CHL1: variants seen among roughly 807,000 people sequenced by gnomAD.
CHL1 encodes cell adhesion molecule L1 like.
Under a neutral mutation model 141.9 loss-of-function variants are expected in CHL1, and 96 were observed. The ratio of observed to expected loss-of-function variants is 0.68; its 90% CI spans 0.57 to 0.80. CHL1 has a LOEUF of 0.80. Ranked by LOEUF, CHL1 falls within the 30% of genes least tolerant of loss-of-function variation. The probability of loss-of-function intolerance (pLI) is 0.00; values close to 1 mark genes in which losing one functional copy is unlikely to be tolerated. For missense variants in CHL1, 1,820 were observed against 1,457.2 expected (o/e 1.25, Z -4.05); for synonymous variants, 613 against 502.2 (o/e 1.22, Z -2.95).
chr3:350,660 C>G (rs1703167376), intron 10 of CHL1, among the ~76,000 whole-genome samples: 1 of 151,148 alleles, frequency 6.6e-6, no homozygotes, highest in Non-Finnish European at 1.5e-5. Flanking sequence ...AATGTTAACA[C>G]AGTTGATTTA....
Position 408,567 on chromosome 3 carries a change from A to C in CHL1, c.*2856A>C, listed in dbSNP as rs1250231541. The C allele has an allele frequency of 6.6e-6, 1 of 152,178 alleles. No individual in the cohort carries two copies. The highest frequency in any genetic ancestry group is 2.4e-5 in the African/African-American group (1 of 41,466). The allele number at this position is 152,178 out of a possible 1,614,324, so 9.4% of individuals were successfully genotyped here. A position where few individuals can be genotyped will look rare whatever the true frequency, so the allele number is the denominator to read the frequency against. Reference sequence around the variant, plus strand: ...AAAAGCTAAGATGCCTTCTAACTTCATAAGCAAACCTTTAACTAATTATGT... The same window carrying C: ...AAAAGCTAAGATGCCTTCTAACTTCCTAAGCAAACCTTTAACTAATTATGT... On this transcript the variant is annotated 3_prime_UTR_variant, in exon 28 of 28. Transcript: ENST00000256509.
At chr3:318,872 G>A (rs942743453) in intron 2 of CHL1, among the ~76,000 whole-genome samples, 1 of 151,128 alleles carries the variant, frequency 6.6e-6, no homozygotes, top group African/African-American at 2.4e-5. Flanking sequence ...CTAATATGAG[G>A]AACTGAGTAA....
chr3:349,607 GC>G, intron 10 of CHL1, 64 bp downstream of exon 10: 1 of 1,355,554 alleles, frequency 7.4e-7, no homozygotes, highest in Non-Finnish European at 1.0e-6. Flanking sequence ...CATGTAGTAG[GC>G]CTTGCTTCTA....
intron 15 of CHL1, among the ~76,000 whole-genome samples, chr3:375,199 G>T (rs1479462389): frequency 6.6e-6 from 1 of 152,162 alleles, no homozygotes; most frequent in East Asian, 1.9e-4. Context: ...CTATGGTTAT[G>T]AAAAATGAAA....
chr3:343,308 C>G (rs1702486994), intron 8 of CHL1, among the ~76,000 whole-genome samples: 1 of 152,034 alleles, frequency 6.6e-6, no homozygotes, highest in South Asian at 2.1e-4. Context: ...TATTTTGGGT[C>G]TCCCAAAACG....
At chr3:398,431 C>A (rs1264271030) in intron 25 of CHL1, 46 bp downstream of exon 25, 2 of 1,275,926 alleles carry the variant, frequency 1.6e-6, no homozygotes, top group South Asian at 2.6e-5. Context: ...CAATCTATGT[C>A]CTGTAGAATA....
chr3:385,412 A>G (rs1455207829), intron 19 of CHL1, among the ~76,000 whole-genome samples: 1 of 152,218 alleles, frequency 6.6e-6, no homozygotes, highest in Non-Finnish European at 1.5e-5. Flanking sequence ...TCATATGGAA[A>G]AAAGGCCAGA....
intron 2 of CHL1, among the ~76,000 whole-genome samples, chr3:251,984 A>T (rs559205410): frequency 6.6e-6 from 1 of 152,168 alleles, no homozygotes; most frequent in South Asian, 2.1e-4. Flanking sequence ...TGAGTTGGAA[A>T]TCGAAATCCA....
At chr3:278,308 C>T (rs1215979537) in intron 2 of CHL1, among the ~76,000 whole-genome samples, 1 of 152,182 alleles carries the variant, frequency 6.6e-6, no homozygotes, top group Non-Finnish European at 1.5e-5. Context: ...ATAGGAGATC[C>T]CACTGAAATC....
chr3:257,174 A>C, intron 2 of CHL1, among the ~76,000 whole-genome samples: 1 of 152,186 alleles, frequency 6.6e-6, no homozygotes, highest in East Asian at 1.9e-4. Flanking sequence ...GGGATATCAA[A>C]TGATCATACG....
intron 13 of CHL1, 51 bp from the exon 14 acceptor site, chr3:363,166 G>A (rs746104414): frequency 1.2e-5 from 18 of 1,509,176 alleles, no homozygotes; most frequent in South Asian, 4.9e-5. Flanking sequence ...ATTAAAAAGC[G>A]TATACAATTT....
chr3:273,137 G>A (rs1181481395), intron 2 of CHL1, among the ~76,000 whole-genome samples: 3 of 152,212 alleles, frequency 2.0e-5, no homozygotes, highest in Non-Finnish European at 4.4e-5. Context: ...GAGCTTGGTA[G>A]TATTTCACAA....
intron 12 of CHL1, among the ~76,000 whole-genome samples, chr3:361,071 T>A (rs542641195): frequency 6.6e-6 from 1 of 152,076 alleles, no homozygotes; most frequent in South Asian, 2.1e-4. Context: ...GGTGTCTTTA[T>A]AGCAGCATGA....
At position 244,802 on chromosome 3, in the gene CHL1, A is replaced by C. The variant is rs1466958293; in HGVS notation, c.-95+110A>C. The C allele has an allele frequency of 2.6e-5, 4 of 152,328 alleles. No homozygotes were observed. The East Asian group carries it at 7.7e-4, about 29-fold the overall frequency. 9.4% of individuals were successfully genotyped at this position (152,328 alleles called of 1,614,324 possible). A position where few individuals can be genotyped will look rare whatever the true frequency, so the allele number is the denominator to read the frequency against. On this transcript the variant is annotated intron_variant, in intron 2 of 27. Coordinates refer to ENST00000256509, the MANE Select transcript of CHL1 (RefSeq NM_006614.4). Reference sequence around the variant, plus strand: ...GATAAGGATAAGGAGACGTTGCAGAACTTTTGTCTTCACTACGGTCTTAGC... The same window carrying C: ...GATAAGGATAAGGAGACGTTGCAGACCTTTTGTCTTCACTACGGTCTTAGC...
intron 11 of CHL1, among the ~76,000 whole-genome samples, chr3:358,769 T>A (rs1375109940): frequency 6.6e-6 from 1 of 151,894 alleles, no homozygotes; most frequent in African/African-American, 2.4e-5. Context: ...TATTTCAATA[T>A]GTAGTATTCA....
At chr3:258,228 A>T (rs900330984) in intron 2 of CHL1, among the ~76,000 whole-genome samples, 6 of 152,228 alleles carry the variant, frequency 3.9e-5, no homozygotes, top group Non-Finnish European at 5.9e-5. Context: ...AAGAGAGAAT[A>T]TTGTGTCTTG....
At position 403,670 on chromosome 3, in the gene CHL1, C is replaced by T. The variant is rs184007732; in HGVS notation, c.3459-1825C>T. Among the ~76,000 whole-genome samples, 3 of 152,272 alleles carry T rather than the reference C, an allele frequency of 2.0e-5. No homozygotes were observed. In the East Asian group the frequency reaches 5.8e-4, roughly 29 times the overall value. On this transcript the variant is annotated intron_variant, in intron 27 of 27. Transcript: ENST00000256509. ...TTGTCTAAAAACCCATTTCCCCACA[C>T]CCTGCTGCTCCTTTATAAAGATAGC...
intron 11 of CHL1, 90 bp downstream of exon 11, chr3:354,861 A>G (rs1575146390): frequency 6.6e-7 from 1 of 1,505,382 alleles, no homozygotes; most frequent in Non-Finnish European, 9.0e-7. Context: ...TGAAGTTGGT[A>G]TGTGGTTGGA....
intron 1 of CHL1, among the ~76,000 whole-genome samples, chr3:239,917 C>A (rs1426485868): frequency 2.6e-5 from 4 of 152,092 alleles, no homozygotes; most frequent in African/African-American, 9.7e-5. Context: ...GCTGTGAATG[C>A]GGTTAATTTC....
Sources: gnomAD v4.1 joint callset for allele counts (sites outside exome capture counted in the v4.1 genomes callset) on GRCh38, gnomAD v4.1.1 for gene constraint, MANE v1.5 for transcripts, NCBI Gene and HGNC (gene_info 2026-07-23, HGNC 2026-07-21) for gene names.